The following EIF2S2 variants were observed in gnomAD, a reference collection of about 807,000 sequenced individuals.
The protein encoded by EIF2S2 is eukaryotic translation initiation factor 2 subunit 2.
EIF2S2 carries 4 observed loss-of-function variants against 44.0 expected under a neutral mutation model. The observed-to-expected ratio is 0.09, with a 90% CI of 0.04 to 0.21. The LOEUF is 0.21. Ranked by LOEUF, EIF2S2 falls within the 10% of genes least tolerant of loss-of-function variation. The probability of loss-of-function intolerance (pLI) is 1.00; values close to 1 mark genes in which losing one functional copy is unlikely to be tolerated. For missense variants in EIF2S2, 154 were observed against 392.0 expected (o/e 0.39, Z 5.13); for synonymous variants, 108 against 128.3 (o/e 0.84, Z 1.07).
At chr20:34,102,069 G>C (rs1163059072) in intron 3 of EIF2S2, among the ~76,000 whole-genome samples, 2 of 152,126 alleles carry the variant, frequency 1.3e-5, no homozygotes, top group Non-Finnish European at 2.9e-5. Context: ...CCCTTCAAGT[G>C]AATGTCCGTG....
At chr20:34,095,591 C>T (rs1329944901) in intron 6 of EIF2S2, among the ~76,000 whole-genome samples, 1 of 152,180 alleles carries the variant, frequency 6.6e-6, no homozygotes, top group Non-Finnish European at 1.5e-5. Context: ...GGATTACAGG[C>T]GTGAGCTACT....
At chr20:34,091,776 T>TTGGG (rs4012181) in intron 7 of EIF2S2, among the ~76,000 whole-genome samples, 37 of 95,822 alleles carry the variant, frequency 3.9e-4, no homozygotes, top group East Asian at 2.2e-3. Flanking sequence ...TTTATTTTTT[T>TTGGG]GGGGGGGGGG....
At position 34,112,111 on chromosome 20, in the gene EIF2S2, G is replaced by A; in HGVS notation, c.-1C>T. 6.4e-7 allele frequency: 1 copy of A among 1,564,324 alleles called. No homozygotes were observed. Among genetic ancestry groups the A allele is most frequent in the Non-Finnish European group, 8.7e-7 (1 of 1,153,338 alleles). On this transcript the variant is annotated 5_prime_UTR_variant, in exon 1 of 9. Transcript: ENST00000374980. Reference sequence around the variant, plus strand: ...AGATCCTCACCTCGTCCCCAGACATGGCTGCGGCTCGAGTGGGCTCGGCAC... The same window carrying A: ...AGATCCTCACCTCGTCCCCAGACATAGCTGCGGCTCGAGTGGGCTCGGCAC...
At chr20:34,097,889 A>G (rs1378300059) in intron 4 of EIF2S2, among the ~76,000 whole-genome samples, 1 of 152,230 alleles carries the variant, frequency 6.6e-6, no homozygotes, top group Non-Finnish European at 1.5e-5. Flanking sequence ...AAAGTTCTCT[A>G]AAGACCCTAT....
intron 1 of EIF2S2, 27 bp from the exon 2 acceptor site, chr20:34,105,572 G>C: frequency 6.6e-7 from 1 of 1,514,540 alleles, no homozygotes; most frequent in Non-Finnish European, 8.8e-7. Flanking sequence ...AAACAAAAAG[G>C]GACCAAATGA....
intron 6 of EIF2S2, among the ~76,000 whole-genome samples, chr20:34,095,604 GC>G (rs2034219061): frequency 6.6e-6 from 1 of 152,102 alleles, no homozygotes; most frequent in South Asian, 2.1e-4. Context: ...GAGCTACTGC[GC>G]CCAGCAGTTA....
intron 7 of EIF2S2, among the ~76,000 whole-genome samples, chr20:34,092,343 T>A (rs998912025): frequency 1.3e-5 from 2 of 152,216 alleles, no homozygotes; most frequent in African/African-American, 4.8e-5. Context: ...CTCATTAGTT[T>A]GTGCAAGTTA....
At chr20:34,105,292 G>A in intron 2 of EIF2S2, 76 bp downstream of exon 2, 1 of 1,511,808 alleles carries the variant, frequency 6.6e-7, no homozygotes, top group Non-Finnish European at 9.0e-7. Context: ...AGAGGTCGCT[G>A]CATATCCAAA....
In EIF2S2 at chr20:34,101,309, G is replaced by A. The variant is rs1444361225; in HGVS notation, c.297+2153C>T. Among the ~76,000 whole-genome samples the A allele has an allele frequency of 3.3e-5, 5 of 152,192 alleles. No individual in the cohort carries two copies. The South Asian group carries it at 6.2e-4, about 19-fold the overall frequency. On this transcript the variant is annotated intron_variant, in intron 3 of 8. Transcript: ENST00000374980. ...AAATACAAAAATAGCCCAGCGTGGT[G>A]GCGGGTGCCTGTAAACCCAGCTATT... is the stretch of plus-strand genomic sequence containing the variant.
In EIF2S2 at chr20:34,096,821, G is replaced by A. The variant is rs770302831; in HGVS notation, c.535-16C>T. ...GATTCAGCAGCTATAAAAATAAAGT[G>A]GTATTCATGAATACGCTTAGTAACT... is the stretch of plus-strand genomic sequence containing the variant. On this transcript the variant is annotated splice_polypyrimidine_tract_variant and intron_variant, in intron 5 of 8. Coordinates refer to ENST00000374980, the MANE Select transcript of EIF2S2 (RefSeq NM_003908.5). The A allele has an allele frequency of 6.3e-7, 1 of 1,599,594 alleles. No homozygotes were observed. The highest frequency in any genetic ancestry group is 1.8e-5 in the Admixed American group (1 of 56,026).
At position 34,098,603 on chromosome 20, in the gene EIF2S2, G is replaced by C. The variant is rs1351788772; in HGVS notation, c.328C>G (p.Pro110Ala). 8 of 1,613,696 alleles carry C rather than the reference G, an allele frequency of 5.0e-6. No individual in the cohort carries two copies. The East Asian group carries it at 6.7e-5, about 13-fold the overall frequency. ...DLKIESDVQE[P>A]TEPEDDLDIM... ...TCAAGGTCATCCTCTGGTTCAGTTG[G>C]TTCTTGAACATCACTTTCAATCTTA... The change falls in exon 4 of 9, where the codon CCA (proline) becomes GCA (alanine). Residue 110 changes from proline (P) to alanine (A), a missense_variant. By Grantham distance (27) the Pro-to-Ala change is conservative. Coordinates refer to ENST00000374980, the MANE Select transcript of EIF2S2 (RefSeq NM_003908.5).
intron 6 of EIF2S2, among the ~76,000 whole-genome samples, chr20:34,095,646 A>G (rs1361493004): frequency 6.6e-6 from 1 of 152,002 alleles, no homozygotes; most frequent in Non-Finnish European, 1.5e-5. Flanking sequence ...TTTGCAGATG[A>G]TTTTCCATTT....
At chr20:34,094,210 C>T (rs1038814698) in intron 6 of EIF2S2, among the ~76,000 whole-genome samples, 8 of 152,132 alleles carry the variant, frequency 5.3e-5, no homozygotes. Context: ...CACTTCAATG[C>T]CCATAAGACC....
At position 34,103,559 on chromosome 20, in the gene EIF2S2, G is replaced by A; in HGVS notation, c.200C>T (p.Ser67Phe). 6.4e-7 allele frequency: 1 copy of A among 1,564,060 alleles called. No homozygotes were observed. Among genetic ancestry groups the A allele is most frequent in the Non-Finnish European group, 8.7e-7 (1 of 1,155,188 alleles). ...GAAGTTCAAGTCATCTAGATCATCA[G>A]AAGCATCTAAAAAGACCAAGGCATA... ...DEEDTRKKDA[S>F]DDLDDLNFFN... is the part of the protein sequence containing the mutation. The change falls in exon 3 of 9, where the codon TCT (serine) becomes TTT (phenylalanine). Residue 67 changes from serine (S) to phenylalanine (F), a missense_variant. Physicochemically the swap from Ser to Phe is radical, Grantham distance 155. Coordinates refer to ENST00000374980, the MANE Select transcript of EIF2S2 (RefSeq NM_003908.5).
At chr20:34,096,439 T>C (rs1232879074) in intron 6 of EIF2S2, among the ~76,000 whole-genome samples, 1 of 152,186 alleles carries the variant, frequency 6.6e-6, no homozygotes, top group African/African-American at 2.4e-5. Flanking sequence ...CATTCCAGCC[T>C]GGGCGACAAA....
chr20:34,110,189 G>A (rs984682373), intron 1 of EIF2S2, among the ~76,000 whole-genome samples: 3 of 152,052 alleles, frequency 2.0e-5, no homozygotes, highest in Admixed American at 2.0e-4. Flanking sequence ...CCACCAGGCA[G>A]GATTACTTCC....
At chr20:34,089,984 C>T in intron 8 of EIF2S2, 79 bp from the exon 9 acceptor site, 1 of 1,471,690 alleles carries the variant, frequency 6.8e-7, no homozygotes, top group South Asian at 1.2e-5. Flanking sequence ...AATACATCTA[C>T]AAAGAACTCC....
intron 7 of EIF2S2, among the ~76,000 whole-genome samples, chr20:34,091,479 G>C (rs2034161803): frequency 6.6e-6 from 1 of 152,108 alleles, no homozygotes; most frequent in Non-Finnish European, 1.5e-5. Context: ...ACTTTGGGAG[G>C]CTGAGGCGAG....
intron 2 of EIF2S2, among the ~76,000 whole-genome samples, chr20:34,104,981 A>G (rs944984375): frequency 5.3e-5 from 8 of 152,292 alleles, no homozygotes; most frequent in Admixed American, 2.0e-4. Context: ...TCTAACCCCA[A>G]ATACTTTAGG....
Sources: allele counts gnomAD v4.1 joint callset (sites outside exome capture counted in the v4.1 genomes callset), GRCh38; gene constraint gnomAD v4.1.1; transcripts MANE v1.5; gene names NCBI Gene and HGNC (gene_info 2026-07-23, HGNC 2026-07-21).